The following AGBL4 variants were observed in gnomAD, a reference collection of about 807,000 sequenced individuals.
AGBL4 encodes the protein AGBL carboxypeptidase 4.
AGBL4 carries 58 observed loss-of-function variants against 66.4 expected under a neutral mutation model. The ratio of observed to expected loss-of-function variants is 0.87; its 90% CI spans 0.71 to 1.09. The LOEUF is 1.09. Ranked by LOEUF, AGBL4 falls within the 50% of genes least tolerant of loss-of-function variation. AGBL4 has a pLI of 0.00. For synonymous variants in AGBL4, 234 were observed against 222.9 expected, an observed-to-expected ratio of 1.05 and a Z score of -0.44; for missense variants, 579 against 631.0, an observed-to-expected ratio of 0.92 and a Z score of 0.88.
intron 9 of AGBL4, among the ~76,000 whole-genome samples, chr1:48,593,662 A>T (rs1249984277): frequency 2.0e-5 from 3 of 152,018 alleles, no homozygotes; most frequent in Non-Finnish European, 4.4e-5. Context: ...GAGGCAGGAG[A>T]CCCGCTTGAA....
intron 3 of AGBL4, among the ~76,000 whole-genome samples, chr1:49,663,911 G>T (rs1044418146): frequency 6.6e-6 from 1 of 151,844 alleles, no homozygotes; most frequent in African/African-American, 2.4e-5. Context: ...AAGAGAAAAA[G>T]TACAGTTTGA....
At chr1:49,999,334 C>A (rs1201512249) in intron 1 of AGBL4, among the ~76,000 whole-genome samples, 6 of 134,460 alleles carry the variant, frequency 4.5e-5, no homozygotes, top group African/African-American at 1.4e-4. Context: ...ACTACCACTG[C>A]AAAAAAAAAA....
intron 3 of AGBL4, among the ~76,000 whole-genome samples, chr1:49,434,850 G>A (rs988445269): frequency 1.3e-5 from 2 of 152,064 alleles, no homozygotes; most frequent in Non-Finnish European, 2.9e-5. Context: ...GCACAAAGGT[G>A]ATGGGAAGTT....
intron 3 of AGBL4, among the ~76,000 whole-genome samples, chr1:49,573,124 ATG>A (rs1644364828): frequency 6.8e-6 from 1 of 146,338 alleles, no homozygotes; most frequent in Non-Finnish European, 1.5e-5. Context: ...ATATATATAT[ATG>A]TGTGTCTGTG....
At chr1:49,720,300 G>A (rs962862840) in intron 2 of AGBL4, among the ~76,000 whole-genome samples, 12 of 152,172 alleles carry the variant, frequency 7.9e-5, no homozygotes, top group Non-Finnish European at 1.2e-4. Flanking sequence ...GATTTGGGGT[G>A]CTCAACAGTA....
At chr1:50,008,584 T>A (rs1206075363) in intron 1 of AGBL4, among the ~76,000 whole-genome samples, 1 of 151,528 alleles carries the variant, frequency 6.6e-6, no homozygotes, top group African/African-American at 2.4e-5. Flanking sequence ...AACAACCTAA[T>A]GATGCATCTT....
intron 2 of AGBL4, among the ~76,000 whole-genome samples, chr1:49,699,345 T>C (rs1051976821): frequency 2.6e-5 from 4 of 152,034 alleles, no homozygotes; most frequent in South Asian, 2.1e-4. Flanking sequence ...TAAAAAATAC[T>C]TTCCTTATAC....
chr1:48,742,826 A>G, intron 6 of AGBL4: 1 of 1,429,620 alleles, frequency 7.0e-7, no homozygotes, highest in Non-Finnish European at 9.3e-7. Flanking sequence ...TAAAAGGCAA[A>G]TATTTTTAAC....
At position 49,853,347 on chromosome 1, in the gene AGBL4, T is replaced by C. The variant is rs115323898; in HGVS notation, c.35-1829A>G. Among the ~76,000 whole-genome samples, 1,028 of 152,216 alleles carry C rather than the reference T, an allele frequency of 6.8e-3. 8 individuals are homozygous for C. Among genetic ancestry groups the C allele is most frequent in the Non-Finnish European group, 0.01 (684 of 68,004 alleles). On this transcript the variant is annotated intron_variant, in intron 1 of 13. Coordinates refer to ENST00000371839, the MANE Select transcript of AGBL4 (RefSeq NM_032785.4). The stretch of plus-strand genomic sequence containing the variant: ...AAACCAAAAATCACAGTAATAGAGA[T>C]GAAGAATGCCTTTAATGCATTCATC...
intron 6 of AGBL4, among the ~76,000 whole-genome samples, chr1:48,738,367 T>A (rs935091284): frequency 3.3e-5 from 5 of 152,208 alleles, no homozygotes; most frequent in Admixed American, 3.3e-4. Context: ...AATCTGTTCA[T>A]CCGCTCAGGA....
chr1:48,671,050 T>A (rs2148466713), intron 6 of AGBL4, among the ~76,000 whole-genome samples: 1 of 152,344 alleles, frequency 6.6e-6, no homozygotes, highest in Admixed American at 6.5e-5. Flanking sequence ...GGATACTGGA[T>A]ATGGCCTGCC....
intron 1 of AGBL4, among the ~76,000 whole-genome samples, chr1:49,940,110 A>G (rs1187126252): frequency 6.6e-6 from 1 of 152,266 alleles, no homozygotes; most frequent in African/African-American, 2.4e-5. Flanking sequence ...AATGCTCATC[A>G]TCACTGGCCA....
At chr1:49,748,209 T>G (rs1651152603) in intron 2 of AGBL4, among the ~76,000 whole-genome samples, 1 of 152,116 alleles carries the variant, frequency 6.6e-6, no homozygotes, top group East Asian at 1.9e-4. Context: ...CCCCTCCCTG[T>G]GCCCATATGT....
intron 5 of AGBL4, among the ~76,000 whole-genome samples, chr1:48,942,321 G>C (rs1030348355): frequency 6.9e-6 from 1 of 145,164 alleles, no homozygotes; most frequent in Non-Finnish European, 1.6e-5. Flanking sequence ...GGGGGGGGGG[G>C]GTTGTGGTAA....
Position 48,899,104 on chromosome 1 carries a change from T to C in AGBL4, c.595-31874A>G, listed in dbSNP as rs187622131. On this transcript the variant is annotated intron_variant, in intron 5 of 13. Transcript: ENST00000371839. Reference sequence around the variant, plus strand: ...GCTCAGCCTCCCTGCAGGCTGGCCTTCCGCACCGTCGTGAAGCCCCCGACA... The same window carrying C: ...GCTCAGCCTCCCTGCAGGCTGGCCTCCCGCACCGTCGTGAAGCCCCCGACA... Among the ~76,000 whole-genome samples the C allele has an allele frequency of 3.1e-3, 474 of 152,334 alleles. 3 individuals carry two copies. The highest frequency in any genetic ancestry group is 0.01 in the African/African-American group (422 of 41,580).
At chr1:49,693,968 C>A (rs1369576678) in intron 3 of AGBL4, among the ~76,000 whole-genome samples, 1 of 152,092 alleles carries the variant, frequency 6.6e-6, no homozygotes, top group Non-Finnish European at 1.5e-5. Flanking sequence ...TGAGCAACTA[C>A]TTTTACGGGT....
chr1:48,594,328 A>C (rs1032648196), intron 9 of AGBL4, among the ~76,000 whole-genome samples: 8 of 152,164 alleles, frequency 5.3e-5, no homozygotes, highest in Non-Finnish European at 8.8e-5. Context: ...CCATCTCAAT[A>C]AATAAATAAA....
intron 2 of AGBL4, among the ~76,000 whole-genome samples, chr1:49,772,131 C>T (rs1644078699): frequency 1.3e-5 from 2 of 151,948 alleles, no homozygotes; most frequent in Non-Finnish European, 2.9e-5. Context: ...TGTTCTACTT[C>T]TTTGTGTATC....
intron 1 of AGBL4, among the ~76,000 whole-genome samples, chr1:49,917,334 G>C (rs531621208): frequency 1.3e-5 from 2 of 151,972 alleles, no homozygotes; most frequent in African/African-American, 4.8e-5. Context: ...CTGTATTCAG[G>C]AAACCCATCT....
Sources: allele counts gnomAD v4.1 joint callset (sites outside exome capture counted in the v4.1 genomes callset), GRCh38; gene constraint gnomAD v4.1.1; transcripts MANE v1.5; gene names NCBI Gene and HGNC (gene_info 2026-07-23, HGNC 2026-07-21).